Variants in ADAM22 observed in about 807,000 individuals in gnomAD.
ADAM22 encodes the protein ADAM metallopeptidase domain 22.
ADAM22 carries 65 observed loss-of-function variants against 144.6 expected under a neutral mutation model. That is an observed-to-expected ratio of 0.45 (90% CI 0.37 to 0.55). The LOEUF (loss-of-function observed/expected upper bound fraction) is 0.55, where lower values mean the gene tolerates loss of function less well. ADAM22 is among the 20% of genes least tolerant of loss of function. ADAM22 has a pLI of 0.00. For synonymous variants in ADAM22, 391 were observed against 412.6 expected, an observed-to-expected ratio of 0.95 and a Z score of 0.63; for missense variants, 974 against 1,184.9, an observed-to-expected ratio of 0.82 and a Z score of 2.61.
intron 3 of ADAM22, among the ~76,000 whole-genome samples, chr7:88,060,446 T>C (rs949245626): frequency 6.6e-6 from 1 of 152,176 alleles, no homozygotes; most frequent in African/African-American, 2.4e-5. Context: ...GTTCACAACA[T>C]TTTCACCAGG....
intron 22 of ADAM22, among the ~76,000 whole-genome samples, chr7:88,159,059 C>T (rs948722849): frequency 2.0e-5 from 3 of 151,724 alleles, no homozygotes; most frequent in Non-Finnish European, 2.9e-5. Flanking sequence ...ACATCAGAAA[C>T]GACAAAGGGG....
In ADAM22 at chr7:88,077,056, G is replaced by A. The variant is rs566411664; in HGVS notation, c.390+1364G>A. On this transcript the variant is annotated intron_variant, in intron 4 of 31. Transcript: ENST00000413139. ...ATGCACACATTTGTATATATACATA[G>A]ATATTTATATAGTATCATATGTAGC... is the stretch of plus-strand genomic sequence containing the variant. 2.4e-3 allele frequency among the ~76,000 whole-genome samples: 358 copies of A among 152,160 alleles called. 11 individuals carry two copies. Among genetic ancestry groups the A allele is most frequent in the Non-Finnish European group, 3.3e-3 (224 of 67,990 alleles).
chr7:88,172,774 C>T (rs1002157482), intron 26 of ADAM22, among the ~76,000 whole-genome samples: 33 of 151,846 alleles, frequency 2.2e-4, no homozygotes, highest in African/African-American at 7.7e-4. Context: ...GACAAAATTA[C>T]AATTTAAGAA....
rs370227788 is a variant in ADAM22 at position 87,965,978 on chromosome 7, C to T, written c.247-12358C>T. Among the ~76,000 whole-genome samples, 56 of 152,348 alleles carry T rather than the reference C, an allele frequency of 3.7e-4. No homozygotes were observed. The East Asian group carries it at 4.2e-3, about 12-fold the overall frequency. ...TCTGCTTTTTACCTTTTGATAGTTA[C>T]ATTAGTCTCTGCAATGAGCTTTTAT... On this transcript the variant is annotated intron_variant, in intron 2 of 31. Transcript: ENST00000413139.
At chr7:88,196,407 C>G (rs1850681253) in intron 31 of ADAM22, 64 bp from the exon 32 acceptor site, 3 of 1,576,264 alleles carry the variant, frequency 1.9e-6, no homozygotes, top group East Asian at 2.2e-5. Flanking sequence ...TTTTCATCTC[C>G]TATTCAGAAT....
At chr7:88,095,289 G>A (rs1820959154) in intron 4 of ADAM22, among the ~76,000 whole-genome samples, 1 of 152,142 alleles carries the variant, frequency 6.6e-6, no homozygotes, top group South Asian at 2.1e-4. Flanking sequence ...ACGGGAACTT[G>A]TACTATATTC....
chr7:88,104,159 C>A (rs144990047), intron 4 of ADAM22, among the ~76,000 whole-genome samples: 1 of 151,954 alleles, frequency 6.6e-6, no homozygotes, highest in African/African-American at 2.4e-5. Flanking sequence ...GGTTCACCCC[C>A]GTAATGGAAT....
At chr7:88,132,486 T>G (rs899281897) in intron 11 of ADAM22, 4 of 155,874 alleles carry the variant, frequency 2.6e-5, no homozygotes, top group African/African-American at 9.6e-5. Flanking sequence ...ATTTTGAGTT[T>G]AATACTTTTG....
chr7:87,935,182 C>A lies in ADAM22; in HGVS notation c.242C>A (p.Pro81Gln), dbSNP rs2279542. The change falls in exon 2 of 32, where the codon CCG becomes CAG. Residue 81 changes from proline to glutamine, a missense_variant. Around this residue, in one of 2 missense-constraint regions of ADAM22, gnomAD observed 240 missense variants for 234.3 expected, o/e 1.02. Transcript: ENST00000413139. ...DTRVRGDLGG[P>Q]QLTHVDQASF... ...CGGGTGCGGGGCGACCTCGGTGGCC[C>A]GCAGGTGAGAGGCTCGGTCCGGGAG... 6.2e-7 allele frequency: 1 copy of A among 1,600,342 alleles called. No individual in the cohort carries two copies. Among genetic ancestry groups the A allele is most frequent in the Non-Finnish European group, 8.5e-7 (1 of 1,172,830 alleles).
At chr7:87,996,633 G>A (rs190096285) in intron 3 of ADAM22, among the ~76,000 whole-genome samples, 92 of 152,330 alleles carry the variant, frequency 6.0e-4, no homozygotes, top group Admixed American at 1.3e-3. Flanking sequence ...AAAGTGATCA[G>A]TGCAAGAGTT....
At chr7:88,090,374 G>C (rs1401122971) in intron 4 of ADAM22, among the ~76,000 whole-genome samples, 2 of 152,144 alleles carry the variant, frequency 1.3e-5, no homozygotes, top group African/African-American at 4.8e-5. Context: ...TGAACATGGT[G>C]TCTTTCTATG....
At chr7:88,048,587 A>G (rs1048992880) in intron 3 of ADAM22, among the ~76,000 whole-genome samples, 2 of 152,116 alleles carry the variant, frequency 1.3e-5, no homozygotes, top group Non-Finnish European at 2.9e-5. Flanking sequence ...TTTGAAATGT[A>G]TATTGGCCAT....
At chr7:88,156,070 T>A (rs1384128816) in intron 22 of ADAM22, 64 bp downstream of exon 22, 8 of 1,576,282 alleles carry the variant, frequency 5.1e-6, no homozygotes, top group Non-Finnish European at 6.9e-6. Flanking sequence ...CAGTTTAGGA[T>A]TCCTTCCGTT....
chr7:88,184,650 G>A (rs567072763), intron 29 of ADAM22, among the ~76,000 whole-genome samples: 2 of 152,128 alleles, frequency 1.3e-5, no homozygotes, highest in South Asian at 4.1e-4. Context: ...AAGCCACATA[G>A]GTAGATTTAC....
chr7:87,942,285 C>T (rs1842629652), intron 2 of ADAM22, among the ~76,000 whole-genome samples: 1 of 152,102 alleles, frequency 6.6e-6, no homozygotes, highest in Admixed American at 6.6e-5. Context: ...ACATGGCTAC[C>T]TTTTATGTGC....
intron 3 of ADAM22, among the ~76,000 whole-genome samples, chr7:88,032,214 G>A (rs764165661): frequency 3.3e-5 from 5 of 152,184 alleles, no homozygotes; most frequent in Admixed American, 6.5e-5. Context: ...AAAGCTGCAG[G>A]TACTCAACAC....
chr7:88,034,961 TAGA>T (rs767078627), intron 3 of ADAM22, among the ~76,000 whole-genome samples: 5 of 152,160 alleles, frequency 3.3e-5, no homozygotes, highest in Admixed American at 6.5e-5. Flanking sequence ...TTTCAGTGAT[TAGA>T]AGTTTAAACT....
At position 87,977,512 on chromosome 7, in the gene ADAM22, C is replaced by T. The variant is rs139022366; in HGVS notation, c.247-824C>T. On this transcript the variant is annotated intron_variant, in intron 2 of 31. Coordinates refer to ENST00000413139, the MANE Select transcript of ADAM22 (RefSeq NM_001324418.2). Reference sequence around the variant, plus strand: ...GGTTTGGATACTGTAGAAACATAAACACGAAAAATTCCAATAATTTGGAGT... The same window carrying T: ...GGTTTGGATACTGTAGAAACATAAATACGAAAAATTCCAATAATTTGGAGT... Among the ~76,000 whole-genome samples, 317 of 152,292 alleles carry T rather than the reference C, an allele frequency of 2.1e-3. 1 individual carries two copies. Among genetic ancestry groups the T allele is most frequent in the African/African-American group, 7.1e-3 (295 of 41,566 alleles).
intron 3 of ADAM22, among the ~76,000 whole-genome samples, chr7:88,019,554 A>G (rs1454162582): frequency 1.3e-5 from 2 of 151,230 alleles, no homozygotes; most frequent in African/African-American, 2.4e-5. Flanking sequence ...ACTTCAAAAT[A>G]TATTTTGTTC....
Sources: allele counts gnomAD v4.1 joint callset (sites outside exome capture counted in the v4.1 genomes callset), GRCh38; gene constraint gnomAD v4.1.1; regional missense constraint gnomAD v4.1.1; transcripts MANE v1.5; gene names NCBI Gene and HGNC (gene_info 2026-07-23, HGNC 2026-07-21).